DAB1: variants seen among roughly 807,000 people sequenced by gnomAD.
The protein encoded by DAB1 is disabled homolog 1.
In DAB1, 15 loss-of-function variants were observed where a neutral mutation model predicts 64.6. That is an observed-to-expected ratio of 0.23 (90% CI 0.16 to 0.36). The LOEUF (loss-of-function observed/expected upper bound fraction) is 0.36, where lower values mean the gene tolerates loss of function less well. DAB1 is among the 10% of genes least tolerant of loss of function. The probability of loss-of-function intolerance (pLI) is 1.00; values close to 1 mark genes in which losing one functional copy is unlikely to be tolerated. For missense variants in DAB1, 596 were observed against 706.7 expected (o/e 0.84, Z 1.78); for synonymous variants, 235 against 251.9 (o/e 0.93, Z 0.64).
intron 3 of DAB1, among the ~76,000 whole-genome samples, chr1:58,357,583 G>A (rs1340239726): frequency 3.9e-5 from 6 of 152,166 alleles, no homozygotes; most frequent in Non-Finnish European, 7.3e-5. Context: ...GGATTCATCC[G>A]AGTTTAGATG....
chr1:57,475,321 C>T (rs976886390), intron 7 of DAB1, among the ~76,000 whole-genome samples: 4 of 152,064 alleles, frequency 2.6e-5, no homozygotes, highest in Non-Finnish European at 5.9e-5. Context: ...AGACATCAGT[C>T]CGGATGTTGC....
chr1:57,983,884 G>A (rs964560247), intron 5 of DAB1, among the ~76,000 whole-genome samples: 2 of 152,068 alleles, frequency 1.3e-5, no homozygotes, highest in African/African-American at 2.4e-5. Flanking sequence ...GTGGTTCTCC[G>A]GGAAATGGCT....
At chr1:57,079,106 G>A (rs2100619171) in intron 4 of DAB1, among the ~76,000 whole-genome samples, 1 of 152,196 alleles carries the variant, frequency 6.6e-6, no homozygotes, top group East Asian at 1.9e-4. Context: ...ATATGATCCT[G>A]TTTTTGAAAA....
chr1:57,046,709 T>G (rs956871532), intron 9 of DAB1, among the ~76,000 whole-genome samples: 5 of 152,212 alleles, frequency 3.3e-5, no homozygotes, highest in African/African-American at 1.2e-4. Context: ...TACCCCTGAA[T>G]CACATTTTCT....
intron 7 of DAB1, among the ~76,000 whole-genome samples, chr1:57,632,810 G>T (rs1323200151): frequency 6.6e-6 from 1 of 152,152 alleles, no homozygotes; most frequent in Non-Finnish European, 1.5e-5. Flanking sequence ...AGAGTGGTGG[G>T]TATATAGGAA....
At chr1:58,094,245 C>T (rs1259141937) in intron 5 of DAB1, among the ~76,000 whole-genome samples, 4 of 152,224 alleles carry the variant, frequency 2.6e-5, no homozygotes, top group African/African-American at 7.2e-5. Context: ...TCACAATCTC[C>T]TGATGGCTTT....
At chr1:58,485,005 C>T (rs1279528684) in intron 3 of DAB1, among the ~76,000 whole-genome samples, 1 of 151,936 alleles carries the variant, frequency 6.6e-6, no homozygotes, top group African/African-American at 2.4e-5. Context: ...TGTCAAAATG[C>T]ACTGAATGTA....
intron 4 of DAB1, among the ~76,000 whole-genome samples, chr1:58,208,144 G>A (rs1453213788): frequency 6.6e-6 from 1 of 152,056 alleles, no homozygotes; most frequent in Non-Finnish European, 1.5e-5. Flanking sequence ...CCTCCCACTG[G>A]GTCCCTCTCA....
At chr1:57,450,039 C>T (rs966288059) in intron 7 of DAB1, among the ~76,000 whole-genome samples, 3 of 152,272 alleles carry the variant, frequency 2.0e-5, no homozygotes, top group African/African-American at 7.2e-5. Flanking sequence ...TAGATGTACA[C>T]CAGGTTATTT....
chr1:58,286,416 T>C (rs1661683688), intron 4 of DAB1, among the ~76,000 whole-genome samples: 1 of 152,202 alleles, frequency 6.6e-6, no homozygotes, highest in African/African-American at 2.4e-5. Context: ...AGTCTATCCA[T>C]CTGACAAAGG....
At chr1:57,290,789 T>C (rs1228804187) in intron 2 of DAB1, among the ~76,000 whole-genome samples, 175 bp downstream of exon 2, 2 of 152,084 alleles carry the variant, frequency 1.3e-5, no homozygotes, top group Non-Finnish European at 2.9e-5. Flanking sequence ...TTGGATTTTA[T>C]CTGGAGAATA....
chr1:57,201,441 C>T (rs75739235), intron 2 of DAB1, among the ~76,000 whole-genome samples: 2,546 of 152,016 alleles, frequency 0.017, 88 homozygotes, highest in African/African-American at 0.059. Flanking sequence ...TTTCTTTATC[C>T]CTGCCACTTA....
chr1:58,443,578 G>A (rs706440), intron 3 of DAB1, among the ~76,000 whole-genome samples: 18,638 of 152,182 alleles, frequency 0.12, 1,389 homozygotes, highest in East Asian at 0.31. Context: ...TAATTCCATG[G>A]TTTTGACAAG....
At chr1:57,787,074 C>T (rs370329107) in intron 6 of DAB1, among the ~76,000 whole-genome samples, 14 of 152,024 alleles carry the variant, frequency 9.2e-5, no homozygotes, top group African/African-American at 2.9e-4. Flanking sequence ...AATATATTAA[C>T]ATATCAATTA....
At chr1:58,250,476 TAGCAGCAGC>T (rs748125929) in intron 4 of DAB1, among the ~76,000 whole-genome samples, 2 of 152,252 alleles carry the variant, frequency 1.3e-5, no homozygotes, top group South Asian at 4.1e-4. Context: ...ACAGCAGCAG[TAGCAGCAGC>T]AGCAGCAGTA....
intron 5 of DAB1, among the ~76,000 whole-genome samples, chr1:58,035,257 G>C (rs1395280850): frequency 6.6e-6 from 1 of 152,218 alleles, no homozygotes; most frequent in Non-Finnish European, 1.5e-5. Flanking sequence ...CCAACCCCAG[G>C]TGAGCTACCC....
At chr1:57,106,260 C>CA (rs967575178) in intron 4 of DAB1, among the ~76,000 whole-genome samples, 1 of 150,726 alleles carries the variant, frequency 6.6e-6, no homozygotes, top group South Asian at 2.1e-4. Context: ...CCCTAACACC[C>CA]CCCCCCATCA....
intron 3 of DAB1, among the ~76,000 whole-genome samples, chr1:58,363,171 A>G (rs1644183468): frequency 6.6e-6 from 1 of 152,184 alleles, no homozygotes; most frequent in African/African-American, 2.4e-5. Context: ...TAGGGCTTCA[A>G]TATATGAATT....
At chr1:57,530,075 G>T (rs745452067) in intron 7 of DAB1, among the ~76,000 whole-genome samples, 1 of 152,134 alleles carries the variant, frequency 6.6e-6, no homozygotes, top group African/African-American at 2.4e-5. Context: ...AGAATCCAGA[G>T]TAAATACATG....
Sources: gnomAD v4.1 joint callset for allele counts (sites outside exome capture counted in the v4.1 genomes callset) on GRCh38, gnomAD v4.1.1 for gene constraint, MANE v1.5 for transcripts, NCBI Gene and HGNC (gene_info 2026-07-23, HGNC 2026-07-21) for gene names.